Variants in NSL1 observed in about 807,000 individuals in gnomAD.
NSL1 encodes the protein NSL1 component of MIS12 kinetochore complex.
In NSL1, 11 loss-of-function variants were observed where a neutral mutation model predicts 25.4. That is an observed-to-expected ratio of 0.43 (90% CI 0.27 to 0.72). The LOEUF (loss-of-function observed/expected upper bound fraction) is 0.72. Among genes scored for constraint, NSL1 ranks in the 30% least tolerant of loss-of-function variants. The pLI is 0.19. For synonymous variants in NSL1, 118 were observed against 120.6 expected (o/e 0.98, Z 0.14); for missense variants, 330 against 342.7 (o/e 0.96, Z 0.29).
chr1:212,779,007 C>G (rs1167629116), intron 4 of NSL1, among the ~76,000 whole-genome samples: 6 of 149,892 alleles, frequency 4.0e-5, no homozygotes, highest in African/African-American at 1.2e-4. Context: ...CGTCTCTGCC[C>G]GGCCGCCCAT....
At chr1:212,787,785 G>GTGGAATCTTC in intron 1 of NSL1, 148 bp from the exon 2 acceptor site, 1 of 463,184 alleles carries the variant, frequency 2.2e-6, no homozygotes, top group Non-Finnish European at 3.8e-6. Context: ...TTTCAATGAA[G>GTGGAATCTTC]ATTCCACTTC....
At chr1:212,782,728 A>C (rs1379637178) in intron 3 of NSL1, among the ~76,000 whole-genome samples, 1 of 152,228 alleles carries the variant, frequency 6.6e-6, no homozygotes, top group Non-Finnish European at 1.5e-5. Context: ...TTTAAAGTAC[A>C]GGGTAGTCTC....
In NSL1 at chr1:212,729,254, T is replaced by C. The variant is rs963002358; in HGVS notation, c.*9154A>G. ...AGAAGTGCAGGTTTGCTTGGGCTCCTAGCCTCTCCCTCAGCTCCCTCTTTT... is the reference window on the plus strand; with the variant it reads ...AGAAGTGCAGGTTTGCTTGGGCTCCCAGCCTCTCCCTCAGCTCCCTCTTTT... On this transcript the variant is annotated 3_prime_UTR_variant, in exon 6 of 6. Coordinates refer to ENST00000366977, the MANE Select transcript of NSL1 (RefSeq NM_015471.4). 3 of 985,332 alleles carry C rather than the reference T, an allele frequency of 3.0e-6. No individual in the cohort carries two copies. The highest frequency in any genetic ancestry group is 3.5e-5 in the African/African-American group (2 of 57,250). The allele number at this position is 985,332 out of a possible 1,614,324, so 61.0% of individuals were successfully genotyped here.
rs1657787073 is a variant in NSL1 at position 212,726,385 on chromosome 1, C to A, written c.*12023G>T. Reference sequence around the variant, plus strand: ...GAAAATCCAGTTCAAGCCAATTATTCAAACAGTTTTTGGGAGGTAACACTG... The same window carrying A: ...GAAAATCCAGTTCAAGCCAATTATTAAAACAGTTTTTGGGAGGTAACACTG... On this transcript the variant is annotated 3_prime_UTR_variant, in exon 6 of 6. Transcript: ENST00000366977. 6.6e-6 allele frequency: 1 copy of A among 151,948 alleles called. No individual in the cohort carries two copies. The highest frequency in any genetic ancestry group is 6.5e-5 in the Admixed American group (1 of 15,272). 9.4% of individuals were successfully genotyped at this position (151,948 alleles called of 1,614,324 possible).
chr1:212,736,992 T>A lies in NSL1; in HGVS notation c.*1416A>T. ...GAAGTGAAACAAATCATACAGAATT[T>A]TAATACTATAAAAACATTAGCACTG... On this transcript the variant is annotated 3_prime_UTR_variant, in exon 6 of 6. Coordinates refer to ENST00000366977, the MANE Select transcript of NSL1 (RefSeq NM_015471.4). The A allele has an allele frequency of 1.0e-6, 1 of 984,656 alleles. No individual in the cohort carries two copies. The highest frequency in any genetic ancestry group is 4.7e-5 in the South Asian group (1 of 21,268). The allele number at this position is 984,656 out of a possible 1,614,324, so 61.0% of individuals were successfully genotyped here. A position where few individuals can be genotyped will look rare whatever the true frequency, so the allele number is the denominator to read the frequency against.
chr1:212,786,459 TAG>T (rs916736248), intron 2 of NSL1, among the ~76,000 whole-genome samples: 2 of 151,248 alleles, frequency 1.3e-5, no homozygotes, highest in African/African-American at 4.9e-5. Flanking sequence ...ATCTTTTTTG[TAG>T]AGAGGAACAT....
rs1467128095 is a variant in NSL1, at chr1:212,784,464, A to C, written c.343T>G (p.Phe115Val). ...DSDIKVLEDQ[F>V]DEIIVDIATK... ...GCTATATCTACTATGATTTCATCAA[A>C]CTGATCTTCAAGTACTTTGATGTCA... Residue 115 changes from phenylalanine to valine, a missense_variant, in exon 3 of 6, where the codon TTT becomes GTT. By Grantham distance (50) the Phe-to-Val change is conservative (BLOSUM62 -1). Coordinates refer to ENST00000366977, the MANE Select transcript of NSL1 (RefSeq NM_015471.4). 1.9e-6 allele frequency: 3 copies of C among 1,577,494 alleles called. No homozygotes were observed. In the Admixed American group the frequency reaches 5.1e-5, roughly 27 times the overall value.
chr1:212,780,877 T>C (rs1230154451), intron 4 of NSL1, among the ~76,000 whole-genome samples: 2 of 152,174 alleles, frequency 1.3e-5, no homozygotes, highest in Non-Finnish European at 2.9e-5. Context: ...TACTACCACC[T>C]AGATAAGTAG....
intron 4 of NSL1, among the ~76,000 whole-genome samples, chr1:212,752,929 T>C (rs147047311): frequency 6.6e-6 from 1 of 151,348 alleles, no homozygotes; most frequent in African/African-American, 2.4e-5. Context: ...TTCCTTTCTA[T>C]TTCCAATGTA....
intron 4 of NSL1, among the ~76,000 whole-genome samples, chr1:212,765,855 G>C (rs1659781871): frequency 1.3e-5 from 2 of 151,066 alleles, no homozygotes; most frequent in African/African-American, 4.9e-5. Flanking sequence ...AAAACCCTCG[G>C]GCTGGGCGCA....
rs1657858626 is a variant in NSL1 at position 212,728,029 on chromosome 1, T to C, written c.*10379A>G. The C allele has an allele frequency of 2.0e-6, 2 of 985,454 alleles. No individual in the cohort carries two copies. The highest frequency in any genetic ancestry group is 2.4e-6 in the Non-Finnish European group (2 of 829,930). The allele number at this position is 985,454 out of a possible 1,614,324, so 61.0% of individuals were successfully genotyped here. A position where few individuals can be genotyped will look rare whatever the true frequency, so the allele number is the denominator to read the frequency against. ...AGTTTGTGGTCAGAAGGCCTCGCTCTGCTCTACATGGTCTATAGACCGCTG... is the reference window on the plus strand; with the variant it reads ...AGTTTGTGGTCAGAAGGCCTCGCTCCGCTCTACATGGTCTATAGACCGCTG... On this transcript the variant is annotated 3_prime_UTR_variant, in exon 6 of 6. Coordinates refer to ENST00000366977, the MANE Select transcript of NSL1 (RefSeq NM_015471.4).
intron 4 of NSL1, chr1:212,781,917 G>A (rs1020353223): frequency 2.9e-6 from 1 of 347,392 alleles, no homozygotes. Context: ...GAGTTCAAAG[G>A]CATAATGAGT....
intron 4 of NSL1, among the ~76,000 whole-genome samples, chr1:212,757,095 G>C (rs1334564340): frequency 6.6e-6 from 1 of 152,188 alleles, no homozygotes; most frequent in Non-Finnish European, 1.5e-5. Flanking sequence ...TAGTTTCGGA[G>C]AGCAGTTTCA....
intron 5 of NSL1, 121 bp from the exon 6 acceptor site, chr1:212,738,807 G>A (rs1350798256): frequency 6.6e-6 from 5 of 752,074 alleles, no homozygotes; most frequent in Non-Finnish European, 1.0e-5. Flanking sequence ...TTGTTGCCCA[G>A]GCTGGAGGGC....
Position 212,731,382 on chromosome 1 carries a change from C to T in NSL1, c.*7026G>A, listed in dbSNP as rs1658009378. ...ACCAGCCGGGGCAATATGGCGAGAC[C>T]CCATCTCTAAAACAAATAAACTAGC... On this transcript the variant is annotated 3_prime_UTR_variant, in exon 6 of 6. Coordinates refer to ENST00000366977, the MANE Select transcript of NSL1 (RefSeq NM_015471.4). The T allele has an allele frequency of 1.0e-6, 1 of 982,350 alleles. No individual in the cohort carries two copies. Among genetic ancestry groups the T allele is most frequent in the African/African-American group, 1.8e-5 (1 of 57,116 alleles). 60.9% of individuals were successfully genotyped at this position (982,350 alleles called of 1,614,324 possible).
chr1:212,759,786 C>T (rs1357868242), intron 4 of NSL1, among the ~76,000 whole-genome samples: 6 of 152,056 alleles, frequency 3.9e-5, no homozygotes, highest in East Asian at 1.9e-4. Context: ...ACCAGGTCCC[C>T]GGCACTCTAG....
chr1:212,746,997 T>C (rs1215856649), intron 4 of NSL1, among the ~76,000 whole-genome samples: 1 of 152,012 alleles, frequency 6.6e-6, no homozygotes, highest in Non-Finnish European at 1.5e-5. Flanking sequence ...ACACAAAAAT[T>C]AGCCAGGCAT....
chr1:212,745,205 C>CATATAT (rs1658731577), intron 4 of NSL1, among the ~76,000 whole-genome samples: 11 of 72,170 alleles, frequency 1.5e-4, no homozygotes, highest in African/African-American at 1.1e-3. Flanking sequence ...TATATATATG[C>CATATAT]ATATGCATAT....
intron 4 of NSL1, among the ~76,000 whole-genome samples, chr1:212,772,854 C>T (rs1660190610): frequency 6.6e-6 from 1 of 152,106 alleles, no homozygotes; most frequent in Admixed American, 6.6e-5. Flanking sequence ...TTTAAAAAGA[C>T]ATGGACCAGT....
Sources: gnomAD v4.1 joint callset for allele counts (sites outside exome capture counted in the v4.1 genomes callset) on GRCh38, gnomAD v4.1.1 for gene constraint, MANE v1.5 for transcripts, NCBI Gene and HGNC (gene_info 2026-07-23, HGNC 2026-07-21) for gene names.